Variants in SCAPER observed in about 807,000 individuals in gnomAD.
SCAPER encodes S-phase cyclin A associated protein in the ER, also known as S phase cyclin A-associated protein in the endoplasmic reticulum.
SCAPER carries 98 observed loss-of-function variants against 182.2 expected under a neutral mutation model. The ratio of observed to expected loss-of-function variants is 0.54; its 90% CI spans 0.46 to 0.64. The LOEUF is 0.64. SCAPER is among the 30% of genes least tolerant of loss of function. SCAPER has a pLI of 0.00. For missense variants in SCAPER, 1,432 were observed against 1,690.0 expected (o/e 0.85, Z 2.68); for synonymous variants, 605 against 564.6 (o/e 1.07, Z -1.01).
chr15:76,501,743 G>A (rs1445582511), intron 24 of SCAPER, among the ~76,000 whole-genome samples: 1 of 152,260 alleles, frequency 6.6e-6, no homozygotes, highest in Non-Finnish European at 1.5e-5. Flanking sequence ...ATGGAGTTGA[G>A]GGGTGGGAAC....
intron 23 of SCAPER, among the ~76,000 whole-genome samples, chr15:76,512,424 A>C (rs1287165317): frequency 6.6e-6 from 1 of 151,948 alleles, no homozygotes; most frequent in African/African-American, 2.4e-5. Context: ...ATTCCATCTT[A>C]GTGTAAAGCC....
chr15:76,359,986 A>G (rs1212338241), intron 29 of SCAPER, among the ~76,000 whole-genome samples: 4 of 152,202 alleles, frequency 2.6e-5, no homozygotes, highest in African/African-American at 4.8e-5. Flanking sequence ...GAAGGCTTCA[A>G]TGGTGTCTAC....
intron 21 of SCAPER, among the ~76,000 whole-genome samples, chr15:76,629,279 G>A (rs760546619): frequency 2.6e-4 from 40 of 152,230 alleles, no homozygotes; most frequent in Non-Finnish European, 5.0e-4. Flanking sequence ...GCCCTGGCCA[G>A]AACTTCTAAA....
chr15:76,769,833 AC>A (rs2063348677), intron 10 of SCAPER, among the ~76,000 whole-genome samples: 1 of 152,294 alleles, frequency 6.6e-6, no homozygotes, highest in African/African-American at 2.4e-5. Context: ...ATACCATTTG[AC>A]CCAGCGATCC....
At chr15:76,897,825 T>C (rs1341089375) in intron 1 of SCAPER, among the ~76,000 whole-genome samples, 2 of 152,260 alleles carry the variant, frequency 1.3e-5, no homozygotes, top group African/African-American at 4.8e-5. Flanking sequence ...CAGATTATTG[T>C]TTCTGCATCT....
chr15:76,683,246 A>C (rs1232613110), intron 20 of SCAPER, among the ~76,000 whole-genome samples: 1 of 152,228 alleles, frequency 6.6e-6, no homozygotes, highest in African/African-American at 2.4e-5. Context: ...TCACTTCGAG[A>C]ATCTCATAAC....
chr15:76,809,772 C>T (rs1342530611), intron 5 of SCAPER, among the ~76,000 whole-genome samples: 1 of 151,046 alleles, frequency 6.6e-6, no homozygotes, highest in Non-Finnish European at 1.5e-5. Flanking sequence ...AATAACTAGA[C>T]GAATCCAGAG....
At chr15:76,801,375 C>G (rs1486254969) in intron 6 of SCAPER, among the ~76,000 whole-genome samples, 2 of 152,146 alleles carry the variant, frequency 1.3e-5, no homozygotes, top group African/African-American at 4.8e-5. Flanking sequence ...TTTGTGGTGT[C>G]TGCCTGTGTC....
chr15:76,810,254 AAGATAAG>A (rs918067975), intron 5 of SCAPER, among the ~76,000 whole-genome samples: 7 of 152,106 alleles, frequency 4.6e-5, no homozygotes, highest in Non-Finnish European at 5.9e-5. Flanking sequence ...CCTATTATAA[AAGATAAG>A]AGATAAAAGT....
At chr15:76,881,305 A>C (rs2073522778) in intron 2 of SCAPER, among the ~76,000 whole-genome samples, 1 of 152,210 alleles carries the variant, frequency 6.6e-6, no homozygotes, top group Non-Finnish European at 1.5e-5. Context: ...CATGTTGGCC[A>C]AGCTGGTCTC....
chr15:76,565,741 ATAAGT>A (rs1369785910), intron 23 of SCAPER, among the ~76,000 whole-genome samples: 1 of 152,148 alleles, frequency 6.6e-6, no homozygotes, highest in East Asian at 1.9e-4. Context: ...CAAACCATTT[ATAAGT>A]TAAATCTGTC....
intron 25 of SCAPER, among the ~76,000 whole-genome samples, chr15:76,458,169 ACT>A (rs1366768412): frequency 1.3e-5 from 2 of 151,852 alleles, no homozygotes; most frequent in Middle Eastern, 3.4e-3. Flanking sequence ...CTTTCAAGAT[ACT>A]CTCTCTTTAT....
At chr15:76,473,757 T>C (rs1481593441) in intron 24 of SCAPER, among the ~76,000 whole-genome samples, 7 of 152,180 alleles carry the variant, frequency 4.6e-5, no homozygotes, top group African/African-American at 1.7e-4. Flanking sequence ...AGGGGTTCTG[T>C]ATCTTGACTA....
At chr15:76,397,474 CTTTTTTT>C (rs71143321) in intron 27 of SCAPER, among the ~76,000 whole-genome samples, 4 of 71,540 alleles carry the variant, frequency 5.6e-5, no homozygotes, top group African/African-American at 2.2e-4. Flanking sequence ...TATTGGCAGA[CTTTTTTT>C]TTTTTTTTTT....
intron 27 of SCAPER, among the ~76,000 whole-genome samples, chr15:76,398,710 A>G (rs552768625): frequency 6.6e-4 from 101 of 152,362 alleles, no homozygotes; most frequent in Middle Eastern, 3.4e-3. Flanking sequence ...AAAATGAAAA[A>G]CACAAATATA....
chr15:76,683,752 G>T (rs1414011408), intron 20 of SCAPER, among the ~76,000 whole-genome samples: 1 of 152,030 alleles, frequency 6.6e-6, no homozygotes, highest in Admixed American at 6.5e-5. Context: ...ACTGTAGGGG[G>T]TGGGGGGGTC....
intron 9 of SCAPER, among the ~76,000 whole-genome samples, chr15:76,773,088 C>T (rs1265082834): frequency 2.6e-5 from 4 of 151,724 alleles, no homozygotes; most frequent in Admixed American, 1.3e-4. Flanking sequence ...ATGTCAGTCG[C>T]CATGGTTTAT....
chr15:76,391,078 T>C (rs948402734), intron 27 of SCAPER, among the ~76,000 whole-genome samples: 4 of 152,214 alleles, frequency 2.6e-5, no homozygotes, highest in Non-Finnish European at 5.9e-5. Context: ...CCTTTACTTA[T>C]TGACTTCAAC....
rs762505356 is a variant in SCAPER at position 76,766,905 on chromosome 15, T to G, written c.1419+13A>C. 2 of 1,581,696 alleles carry G rather than the reference T, an allele frequency of 1.3e-6. No individual in the cohort carries two copies. Among genetic ancestry groups the G allele is most frequent in the Non-Finnish European group, 1.7e-6 (2 of 1,170,960 alleles). On this transcript the variant is annotated intron_variant, in intron 11 of 31. Transcript: ENST00000563290. ...AATTTTGAATAGTTATGTTAAAAAG[T>G]CTAAAAGCTCACAGAAAAATCACTG...
Sources: gnomAD v4.1 joint callset for allele counts (sites outside exome capture counted in the v4.1 genomes callset) on GRCh38, gnomAD v4.1.1 for gene constraint, MANE v1.5 for transcripts, NCBI Gene and HGNC (gene_info 2026-07-23, HGNC 2026-07-21) for gene names.